Variants in RIN2 observed in about 807,000 individuals in gnomAD.
RIN2 encodes the protein RAB5 interacting protein 2.
Under a neutral mutation model 78.0 loss-of-function variants are expected in RIN2, and 36 were observed. The ratio of observed to expected loss-of-function variants is 0.46; its 90% CI spans 0.35 to 0.61. The LOEUF is 0.61. Among genes scored for constraint, RIN2 ranks in the 20% least tolerant of loss-of-function variants. The pLI is 0.00. For synonymous variants in RIN2, 466 were observed against 466.8 expected (o/e 1.00, Z 0.02); for missense variants, 1,087 against 1,159.7 (o/e 0.94, Z 0.91).
chr20:19,960,660 A>G, intron 5 of RIN2, 40 bp from the exon 6 acceptor site: 1 of 1,415,556 alleles, frequency 7.1e-7, no homozygotes, highest in Non-Finnish European at 9.8e-7. Flanking sequence ...CCAACATTCT[A>G]GATATTTCCT....
chr20:19,790,917 A>G (rs1297354107), intron 1 of RIN2, among the ~76,000 whole-genome samples: 1 of 152,176 alleles, frequency 6.6e-6, no homozygotes, highest in Non-Finnish European at 1.5e-5. Context: ...CTGCCTTTCC[A>G]TGTGAATCCT....
chr20:19,823,901 G>A, intron 2 of RIN2: 1 of 1,597,056 alleles, frequency 6.3e-7, no homozygotes, highest in East Asian at 2.2e-5. Flanking sequence ...GTGCACCTCA[G>A]GTATACGACT....
chr20:19,930,031 C>T (rs2040378092), intron 3 of RIN2, among the ~76,000 whole-genome samples: 1 of 149,192 alleles, frequency 6.7e-6, no homozygotes, highest in Non-Finnish European at 1.5e-5. Context: ...TTAAATCCCT[C>T]TGCACTCTGG....
chr20:19,822,666 ACC>A (rs1491372523), intron 2 of RIN2, among the ~76,000 whole-genome samples: 5 of 145,416 alleles, frequency 3.4e-5, no homozygotes, highest in African/African-American at 1.3e-4. Flanking sequence ...ACACACACAC[ACC>A]CACACACAAT....
intron 2 of RIN2, among the ~76,000 whole-genome samples, chr20:19,816,279 G>A (rs2035763677): frequency 6.6e-6 from 1 of 152,192 alleles, no homozygotes; most frequent in African/African-American, 2.4e-5. Flanking sequence ...TCCACTTGCA[G>A]TTAGCATTGC....
At position 19,965,030 on chromosome 20, in the gene RIN2, G is replaced by C. The variant is rs781134385; in HGVS notation, c.536+6G>C. 2 of 1,609,842 alleles carry C rather than the reference G, an allele frequency of 1.2e-6. No homozygotes were observed. The highest frequency in any genetic ancestry group is 1.7e-5 in the Admixed American group (1 of 59,970). Reference sequence around the variant, plus strand: ...GCTTTCTACTGCATCAGCAGGTAAGGCCTCTTCCTCTCATATGGTTTCAAG... The same window carrying C: ...GCTTTCTACTGCATCAGCAGGTAAGCCCTCTTCCTCTCATATGGTTTCAAG... On this transcript the variant is annotated splice_donor_region_variant and intron_variant, in intron 7 of 12. Coordinates refer to ENST00000255006, the MANE Select transcript of RIN2 (RefSeq NM_018993.4).
At chr20:19,943,429 C>T (rs1342204754) in intron 4 of RIN2, among the ~76,000 whole-genome samples, 1 of 152,144 alleles carries the variant, frequency 6.6e-6, no homozygotes, top group African/African-American at 2.4e-5. Context: ...AAAGGTTTTT[C>T]AGAATAGTCC....
intron 9 of RIN2, among the ~76,000 whole-genome samples, chr20:19,983,889 G>GTTT (rs1418077266): frequency 1.6e-5 from 1 of 61,974 alleles, no homozygotes; most frequent in Non-Finnish European, 2.6e-5. Context: ...TACATTTTTT[G>GTTT]TTTATTATTA....
intron 9 of RIN2, among the ~76,000 whole-genome samples, chr20:19,978,672 T>G (rs528377697): frequency 3.5e-4 from 53 of 152,284 alleles, no homozygotes; most frequent in Middle Eastern, 3.4e-3. Context: ...GGTTCCTGAA[T>G]ACATGTTCAT....
chr20:19,772,024 C>T (rs150926893), intron 1 of RIN2, among the ~76,000 whole-genome samples: 3 of 151,934 alleles, frequency 2.0e-5, no homozygotes, highest in African/African-American at 7.2e-5. Flanking sequence ...CAGCTCCCTC[C>T]TGCTTCCGTG....
At chr20:19,936,823 G>A (rs551274530) in intron 4 of RIN2, among the ~76,000 whole-genome samples, 1 of 152,314 alleles carries the variant, frequency 6.6e-6, no homozygotes, top group South Asian at 2.1e-4. Context: ...ATGCTATGTT[G>A]CTTAATTCAT....
At chr20:19,929,924 G>A (rs940743445) in intron 3 of RIN2, among the ~76,000 whole-genome samples, 2 of 152,214 alleles carry the variant, frequency 1.3e-5, no homozygotes, top group African/African-American at 4.8e-5. Context: ...GTTTTGTGAT[G>A]CTAACTGCTG....
At chr20:19,974,540 CT>C in intron 8 of RIN2, 113 bp from the exon 9 acceptor site, 1 of 1,061,162 alleles carries the variant, frequency 9.4e-7, no homozygotes, top group Admixed American at 2.5e-5. Context: ...AACGCACCCC[CT>C]ACCCCACCCC....
intron 3 of RIN2, among the ~76,000 whole-genome samples, chr20:19,917,671 T>C (rs944667086): frequency 1.3e-5 from 2 of 152,238 alleles, no homozygotes; most frequent in Non-Finnish European, 2.9e-5. Context: ...CACATACTTT[T>C]CACAACTTGT....
chr20:19,837,410 T>C (rs1461599376), intron 2 of RIN2, among the ~76,000 whole-genome samples: 1 of 152,234 alleles, frequency 6.6e-6, no homozygotes, highest in Admixed American at 6.5e-5. Flanking sequence ...TTCTTAATCT[T>C]CACTAATTTC....
intron 2 of RIN2, among the ~76,000 whole-genome samples, chr20:19,848,362 G>C (rs548805044): frequency 6.6e-6 from 1 of 151,624 alleles, no homozygotes; most frequent in African/African-American, 2.4e-5. Flanking sequence ...GTGAAACCCC[G>C]TCTTTACTAA....
intron 2 of RIN2, among the ~76,000 whole-genome samples, chr20:19,822,988 ATAGC>A (rs2035973399): frequency 2.0e-5 from 3 of 152,248 alleles, no homozygotes; most frequent in African/African-American, 2.4e-5. Flanking sequence ...AATCACTAGA[ATAGC>A]TAGCATTTAT....
intron 9 of RIN2, among the ~76,000 whole-genome samples, chr20:19,988,922 C>T (rs954402440): frequency 4.6e-5 from 7 of 151,836 alleles, no homozygotes; most frequent in South Asian, 2.1e-4. Context: ...CACACACACG[C>T]GTGCACACAC....
Position 19,970,839 on chromosome 20 carries a change from G to T in RIN2, c.538G>T (p.Asp180Tyr). 6.8e-6 allele frequency: 11 copies of T among 1,609,552 alleles called. No homozygotes were observed. The highest frequency in any genetic ancestry group is 2.2e-5 in the South Asian group (2 of 90,658). ...RLIAFYCISR[D>Y]VLPFTLKLPY... ...TTCTCTCTTTTTCTGAACAATCAGG[G>T]ATGTTCTACCATTTACCTTGAAGTT... The change falls in exon 8 of 13, where the codon GAT becomes TAT. Residue 180 changes from aspartate (D) to tyrosine (Y), a missense_variant and splice_region_variant. Around this residue, in one of 8 missense-constraint regions of RIN2, gnomAD observed 706 missense variants for 667.5 expected, o/e 1.06. Transcript: ENST00000255006.
Sources: gnomAD v4.1 joint callset for allele counts (sites outside exome capture counted in the v4.1 genomes callset) on GRCh38, gnomAD v4.1.1 for gene constraint, gnomAD v4.1.1 regional missense constraint, MANE v1.5 for transcripts, NCBI Gene and HGNC (gene_info 2026-07-23, HGNC 2026-07-21) for gene names.